The following USP9X variants were observed in gnomAD, a reference collection of about 807,000 sequenced individuals.
USP9X encodes ubiquitin specific peptidase 9 X-linked, also known as ubiquitin carboxyl-terminal hydrolase 9X.
In USP9X, 7 loss-of-function variants were observed where a neutral mutation model predicts 190.3. The observed-to-expected ratio is 0.04, with a 90% CI of 0.02 to 0.07. USP9X has a LOEUF of 0.07. USP9X is among the 10% of genes least tolerant of loss of function. USP9X has a pLI of 1.00. For missense variants in USP9X, 1,010 were observed against 1,916.9 expected (o/e 0.53, Z 8.83); for synonymous variants, 645 against 659.5 (o/e 0.98, Z 0.34).
intron 1 of USP9X, among the ~76,000 whole-genome samples, chrX:41,113,313 GC>G (rs780918550): frequency 4.5e-5 from 5 of 111,029 alleles, no homozygotes; most frequent in Non-Finnish European, 9.4e-5. Context: ...CCATTCTCCT[GC>G]CTCAGCCTCC....
chrX:41,170,201 A>G lies in USP9X; in HGVS notation c.2843A>G (p.Lys948Arg). 8.3e-7 allele frequency: 1 copy of G among 1,211,329 alleles called. No homozygotes were observed. The highest frequency in any genetic ancestry group is 1.1e-6 in the Non-Finnish European group (1 of 895,081). The change falls in exon 19 of 45, where the codon AAG becomes AGG. Residue 948 changes from lysine to arginine, a missense_variant. This residue lies in a region of USP9X where 351 missense variants were observed against 480.8 expected (regional missense o/e 0.73). Transcript: ENST00000378308. ...GELIDPADDR[K>R]LIGQLNLKDK... is the part of the protein sequence containing the mutation. The stretch of plus-strand genomic sequence containing the variant: ...CTGATAGATCCTGCAGATGATAGAA[A>G]GTTGATTGGACAATTAAACTTAAAA...
intron 36 of USP9X, among the ~76,000 whole-genome samples, chrX:41,217,940 G>C (rs779593351): frequency 9.0e-6 from 1 of 111,683 alleles, no homozygotes; most frequent in Non-Finnish European, 1.9e-5. Context: ...AGCTACTTAT[G>C]AAATTTATTA....
chrX:41,136,768 T>A lies in USP9X; in HGVS notation c.436-36T>A, dbSNP rs1436246652. ...ATTTCTGTTTGAAATTGCAGTGTTT[T>A]GATCTTGTAAATCGCCTTTCCCCCT... On this transcript the variant is annotated intron_variant, in intron 5 of 44. Coordinates refer to ENST00000378308, the MANE Select transcript of USP9X (RefSeq NM_001039591.3). The A allele has an allele frequency of 2.9e-6, 3 of 1,052,271 alleles. No homozygotes were observed. The East Asian group carries it at 9.1e-5, about 32-fold the overall frequency. The allele number at this position is 1,052,271 out of a possible 1,213,427, so 86.7% of individuals were successfully genotyped here.
At chrX:41,114,728 C>T (rs1212385883) in intron 1 of USP9X, among the ~76,000 whole-genome samples, 9 of 108,821 alleles carry the variant, frequency 8.3e-5, no homozygotes, top group African/African-American at 3.0e-4. Context: ...AAGTGATCCG[C>T]CCGCCTCAGC....
At chrX:41,106,994 C>G (rs1487045509) in intron 1 of USP9X, among the ~76,000 whole-genome samples, 1 of 104,812 alleles carries the variant, frequency 9.5e-6, no homozygotes, top group African/African-American at 3.5e-5. Context: ...TCAAGTGATT[C>G]TCCTGCCTCA....
intron 26 of USP9X, among the ~76,000 whole-genome samples, chrX:41,191,693 A>G (rs940259990): frequency 1.2e-4 from 13 of 111,864 alleles, no homozygotes; most frequent in African/African-American, 3.9e-4. Flanking sequence ...ATCCCTACCT[A>G]TGTGCTTGGC....
intron 6 of USP9X, among the ~76,000 whole-genome samples, chrX:41,139,518 G>A (rs1387683802): frequency 5.4e-5 from 6 of 111,508 alleles, no homozygotes; most frequent in East Asian, 2.8e-4. Context: ...AAAATTAGCC[G>A]GGTGTGGTGG....
chrX:41,224,525 A>G (rs1312717729), intron 39 of USP9X, among the ~76,000 whole-genome samples: 1 of 110,484 alleles, frequency 9.1e-6, no homozygotes, highest in Non-Finnish European at 1.9e-5. Context: ...AGTCCCAGCT[A>G]CTCGGAAGGC....
At chrX:41,120,674 A>G (rs1338124776) in intron 1 of USP9X, among the ~76,000 whole-genome samples, 5 of 108,217 alleles carry the variant, frequency 4.6e-5, no homozygotes, top group Admixed American at 3.0e-4. Flanking sequence ...AATTTTTTGT[A>G]TTTTTAGTAG....
intron 42 of USP9X, 40 bp from the exon 43 acceptor site, chrX:41,229,527 C>T (rs1242741245): frequency 2.5e-6 from 3 of 1,190,299 alleles, no homozygotes. Context: ...TTGAAGTATT[C>T]CAAATCCTCT....
At chrX:41,201,419 G>T in intron 31 of USP9X, 139 bp downstream of exon 31, 2 of 592,598 alleles carry the variant, frequency 3.4e-6, no homozygotes, top group South Asian at 6.1e-5. Flanking sequence ...GCACACACCT[G>T]TGGTCTCAGC....
chrX:41,197,358 T>A lies in USP9X; in HGVS notation c.4234-6T>A. The A allele has an allele frequency of 2.9e-6, 1 of 347,228 alleles. No individual in the cohort carries two copies. The highest frequency in any genetic ancestry group is 4.6e-6 in the Non-Finnish European group (1 of 217,729). The allele number at this position is 347,228 out of a possible 1,213,427, so 28.6% of individuals were successfully genotyped here. A position where few individuals can be genotyped will look rare whatever the true frequency, so the allele number is the denominator to read the frequency against. On this transcript the variant is annotated splice_region_variant and splice_polypyrimidine_tract_variant and intron_variant, in intron 28 of 44. Coordinates refer to ENST00000378308, the MANE Select transcript of USP9X (RefSeq NM_001039591.3). ...CCCCCCCCACCCCACCCCCCGCCTT[T>A]GGCAGGATGATGTTAAAAGAACAGG...
chrX:41,115,578 G>T (rs981644908), intron 1 of USP9X, among the ~76,000 whole-genome samples: 10 of 111,867 alleles, frequency 8.9e-5, no homozygotes, highest in African/African-American at 3.2e-4. Context: ...TCTGGTAGGG[G>T]GTTGGAGTTG....
intron 21 of USP9X, among the ~76,000 whole-genome samples, chrX:41,181,907 C>T (rs2062830604): frequency 1.8e-5 from 2 of 111,518 alleles, no homozygotes; most frequent in South Asian, 7.4e-4. Flanking sequence ...TCGTCATAAA[C>T]TCTGGATGAC....
chrX:41,193,587 C>T (rs2062956303), intron 26 of USP9X, among the ~76,000 whole-genome samples: 1 of 111,072 alleles, frequency 9.0e-6, no homozygotes. Flanking sequence ...CACCTGAGCC[C>T]GGAGAGGATG....
intron 1 of USP9X, among the ~76,000 whole-genome samples, chrX:41,087,179 A>G (rs1227022851): frequency 8.9e-6 from 1 of 112,926 alleles, no homozygotes; most frequent in Non-Finnish European, 1.9e-5. Context: ...TATAGATTAA[A>G]TATTCATGCT....
In USP9X at chrX:41,232,697, C is replaced by G; in HGVS notation, c.*173C>G. ...AATTTGCTGTCAATATATAACCCGC[C>G]TGCAGTGGAAAGTGTATAGTGTTTT... On this transcript the variant is annotated 3_prime_UTR_variant, in exon 45 of 45. Coordinates refer to ENST00000378308, the MANE Select transcript of USP9X (RefSeq NM_001039591.3). 1.8e-6 allele frequency: 1 copy of G among 569,949 alleles called. No homozygotes were observed. The highest frequency in any genetic ancestry group is 2.7e-6 in the Non-Finnish European group (1 of 374,509). The allele number at this position is 569,949 out of a possible 1,213,427, so 47.0% of individuals were successfully genotyped here.
intron 1 of USP9X, among the ~76,000 whole-genome samples, chrX:41,111,670 C>G (rs2062109220): frequency 9.0e-6 from 1 of 110,680 alleles, no homozygotes; most frequent in Non-Finnish European, 1.9e-5. Context: ...TGTTCAGAGG[C>G]TCTCAGAGGT....
chrX:41,190,872 TAGGG>T (rs1024711686), intron 26 of USP9X, among the ~76,000 whole-genome samples: 17 of 111,725 alleles, frequency 1.5e-4, no homozygotes, highest in South Asian at 3.7e-4. Context: ...TCTGCAATAA[TAGGG>T]AGGGCGTTCT....
Sources: gnomAD v4.1 joint callset for allele counts (sites outside exome capture counted in the v4.1 genomes callset) on GRCh38, gnomAD v4.1.1 for gene constraint, gnomAD v4.1.1 regional missense constraint, MANE v1.5 for transcripts, NCBI Gene and HGNC (gene_info 2026-07-23, HGNC 2026-07-21) for gene names.